Variants in PIGN observed in about 807,000 individuals in gnomAD.
PIGN encodes GPI ethanolamine phosphate transferase 1.
PIGN carries 117 observed loss-of-function variants against 125.4 expected under a neutral mutation model. The ratio of observed to expected loss-of-function variants is 0.93; its 90% confidence interval spans 0.80 to 1.09. The LOEUF (loss-of-function observed/expected upper bound fraction) is 1.09. Among genes scored for constraint, PIGN ranks in the 50% least tolerant of loss-of-function variants. PIGN has a pLI of 0.00. For synonymous variants in PIGN, 392 were observed against 377.8 expected, an observed-to-expected ratio of 1.04 and a Z score of -0.44; for missense variants, 1,075 against 1,094.9, an observed-to-expected ratio of 0.98 and a Z score of 0.26.
rs1234847156 is a variant in PIGN at position 62,157,210 on chromosome 18, C to T, written c.361G>A (p.Val121Ile). The T allele has an allele frequency of 6.2e-7, 1 of 1,602,464 alleles. No individual in the cohort carries two copies. Among genetic ancestry groups the T allele is most frequent in the Non-Finnish European group, 8.5e-7 (1 of 1,171,692 alleles). ...TCATTAAAAAGAGAATCAAACTCTACAGGATTTTCCTTCCATCCTTCAGAA... is the reference window on the plus strand; with the variant it reads ...TCATTAAAAAGAGAATCAAACTCTATAGGATTTTCCTTCCATCCTTCAGAA... Reference protein sequence around the residue: ...AVAKGWKENPVEFDSLFNESK... With the variant: ...AVAKGWKENPIEFDSLFNESK... Residue 121 changes from valine to isoleucine, a missense_variant, in exon 6 of 31, where the codon GTA becomes ATA. By Grantham distance (29) the Val-to-Ile change is conservative (BLOSUM62 3). This residue lies in a region of PIGN where 152 missense variants were observed against 162.9 expected (regional missense o/e 0.93). Transcript: ENST00000640252.
chr18:62,126,656 T>A (rs949919801), intron 14 of PIGN, among the ~76,000 whole-genome samples: 1 of 152,146 alleles, frequency 6.6e-6, no homozygotes, highest in Non-Finnish European at 1.5e-5. Context: ...GCCTCTAGTA[T>A]CCTTAACTGA....
intron 30 of PIGN, among the ~76,000 whole-genome samples, chr18:62,054,992 AGAT>A (rs1268763203): frequency 6.6e-6 from 1 of 152,244 alleles, no homozygotes; most frequent in Admixed American, 6.5e-5. Context: ...AGCCAAAATG[AGAT>A]ATCACTACAC....
intron 23 of PIGN, among the ~76,000 whole-genome samples, chr18:62,022,092 G>C (rs551236415): frequency 6.6e-6 from 1 of 152,314 alleles, no homozygotes; most frequent in Admixed American, 6.5e-5. Flanking sequence ...AAAGGCAGCA[G>C]AAGATCCCCC....
At chr18:62,142,821 C>T (rs1466539560) in intron 11 of PIGN, among the ~76,000 whole-genome samples, 1 of 152,136 alleles carries the variant, frequency 6.6e-6, no homozygotes, top group African/African-American at 2.4e-5. Context: ...ATACATTTTC[C>T]TCTAACAGAA....
intron 30 of PIGN, among the ~76,000 whole-genome samples, chr18:62,063,556 T>A (rs1406798374): frequency 2.0e-5 from 3 of 151,174 alleles, no homozygotes; most frequent in Non-Finnish European, 3.0e-5. Context: ...TTGGGCTTTT[T>A]ACCTCTATGG....
At chr18:62,113,623 C>T (rs1466562164) in intron 15 of PIGN, among the ~76,000 whole-genome samples, 1 of 152,004 alleles carries the variant, frequency 6.6e-6, no homozygotes, top group Non-Finnish European at 1.5e-5. Flanking sequence ...AATGAAGGCT[C>T]TCTAATATAG....
chr18:62,085,369 T>C, intron 25 of PIGN, 105 bp from the exon 26 acceptor site: 1 of 749,864 alleles, frequency 1.3e-6, no homozygotes, highest in South Asian at 1.6e-5. Context: ...TTTGCTCTTT[T>C]ACTTGTACCA....
At chr18:62,062,790 A>T (rs2145454658) in intron 30 of PIGN, among the ~76,000 whole-genome samples, 1 of 151,688 alleles carries the variant, frequency 6.6e-6, no homozygotes, top group Non-Finnish European at 1.5e-5. Flanking sequence ...TGGTGGTTAT[A>T]AATGCATTCT....
At chr18:62,186,698 G>A (rs1466013777) in intron 1 of PIGN, 146 bp downstream of exon 1, 1 of 152,302 alleles carries the variant, frequency 6.6e-6, no homozygotes, top group Non-Finnish European at 1.5e-5. Context: ...ACAGGCCTGG[G>A]CACTTGCTAT....
chr18:62,019,919 T>C (rs1002916942), intron 23 of PIGN, among the ~76,000 whole-genome samples: 2 of 152,264 alleles, frequency 1.3e-5, no homozygotes, highest in African/African-American at 2.4e-5. Context: ...AAGCCCAGCA[T>C]AGCACAGCGT....
intron 23 of PIGN, among the ~76,000 whole-genome samples, chr18:62,021,698 C>T (rs1274818230): frequency 1.3e-5 from 2 of 152,180 alleles, no homozygotes; most frequent in Non-Finnish European, 2.9e-5. Flanking sequence ...GTCAAGTGTA[C>T]ACCTTTCCTA....
intron 4 of PIGN, chr18:62,158,043 G>A: frequency 2.6e-6 from 1 of 391,156 alleles, no homozygotes; most frequent in Non-Finnish European, 4.7e-6. Flanking sequence ...TTCAACCACT[G>A]CACAGAATCA....
At chr18:62,049,330 G>A (rs1339430460) in intron 30 of PIGN, among the ~76,000 whole-genome samples, 1 of 150,566 alleles carries the variant, frequency 6.6e-6, no homozygotes, top group Non-Finnish European at 1.5e-5. Flanking sequence ...CAGTGTAAAA[G>A]TGTTCCTGTT....
intron 10 of PIGN, among the ~76,000 whole-genome samples, chr18:62,143,989 TATAAG>T (rs1295458885): frequency 2.6e-5 from 4 of 152,190 alleles, no homozygotes; most frequent in African/African-American, 9.6e-5. Flanking sequence ...CCAAAAGAGT[TATAAG>T]ATATTTGTAT....
intron 28 of PIGN, among the ~76,000 whole-genome samples, chr18:62,080,674 C>T (rs374310778): frequency 6.6e-6 from 1 of 152,042 alleles, no homozygotes; most frequent in South Asian, 2.1e-4. Flanking sequence ...GAGAAAAACA[C>T]GAGGGTAAAA....
intron 14 of PIGN, among the ~76,000 whole-genome samples, chr18:62,116,989 G>A (rs946318913): frequency 5.9e-5 from 9 of 151,996 alleles, no homozygotes; most frequent in Non-Finnish European, 1.3e-4. Context: ...ATTATGTTAT[G>A]TTATATTATA....
chr18:62,179,522 T>G (rs560966672), intron 1 of PIGN, among the ~76,000 whole-genome samples: 1 of 152,278 alleles, frequency 6.6e-6, no homozygotes, highest in Non-Finnish European at 1.5e-5. Context: ...GGCAGGTGGA[T>G]CACTTGAGCT....
intron 7 of PIGN, among the ~76,000 whole-genome samples, chr18:62,149,237 A>G (rs537653434): frequency 6.6e-6 from 1 of 152,320 alleles, no homozygotes; most frequent in East Asian, 1.9e-4. Flanking sequence ...CAAATGGTGC[A>G]ATTAGAGAAA....
At position 62,043,141 on chromosome 18, in the gene PIGN, G is replaced by A. The variant is rs2030445747; in HGVS notation, c.*2715C>T. 6.6e-6 allele frequency: 1 copy of A among 152,132 alleles called. No individual in the cohort carries two copies. The highest frequency in any genetic ancestry group is 1.5e-5 in the Non-Finnish European group (1 of 68,032). The allele number at this position is 152,132 out of a possible 1,614,324, so 9.4% of individuals were successfully genotyped here. ...TTAAAAGAAGGAGTTCTCAGAACTG[G>A]TCTGAAGGGGGTCTTCTCCAAATGA... On this transcript the variant is annotated 3_prime_UTR_variant, in exon 31 of 31. Transcript: ENST00000640252.
Sources: gnomAD v4.1 joint callset for allele counts (sites outside exome capture counted in the v4.1 genomes callset) on GRCh38, gnomAD v4.1.1 for gene constraint, gnomAD v4.1.1 regional missense constraint, MANE v1.5 for transcripts, NCBI Gene and HGNC (gene_info 2026-07-23, HGNC 2026-07-21) for gene names.